SOX5: variants seen among roughly 807,000 people sequenced by gnomAD.
SOX5 encodes SRY-box transcription factor 5.
SOX5 carries 9 observed loss-of-function variants against 92.0 expected under a neutral mutation model. The ratio of observed to expected loss-of-function variants is 0.10; its 90% CI spans 0.06 to 0.17. SOX5 has a LOEUF of 0.17. Among genes scored for constraint, SOX5 ranks in the 10% least tolerant of loss-of-function variants. The pLI, the probability that SOX5 is intolerant of heterozygous loss-of-function variation, is 1.00. For missense variants in SOX5, 642 were observed against 944.5 expected (o/e 0.68, Z 4.20); for synonymous variants, 344 against 336.3 (o/e 1.02, Z -0.25).
intron 4 of SOX5, among the ~76,000 whole-genome samples, chr12:24,042,571 T>C (rs1308010638): frequency 6.6e-6 from 1 of 152,166 alleles, no homozygotes; most frequent in Non-Finnish European, 1.5e-5. Context: ...ATCCATCATA[T>C]ATATTTAGCC....
chr12:24,088,086 A>G (rs1263050123), intron 4 of SOX5, among the ~76,000 whole-genome samples: 1 of 152,090 alleles, frequency 6.6e-6, no homozygotes, highest in Admixed American at 6.6e-5. Flanking sequence ...CTGCTATTAT[A>G]TTTTAGAAAT....
At chr12:24,434,541 C>G (rs1284903111) in intron 1 of SOX5, among the ~76,000 whole-genome samples, 3 of 152,146 alleles carry the variant, frequency 2.0e-5, no homozygotes, top group African/African-American at 7.2e-5. Flanking sequence ...CCATCCAAAT[C>G]TCATGTTGAA....
intron 4 of SOX5, among the ~76,000 whole-genome samples, chr12:24,089,451 T>C (rs1237136440): frequency 6.6e-6 from 1 of 152,176 alleles, no homozygotes; most frequent in African/African-American, 2.4e-5. Flanking sequence ...CTTTAGGCTT[T>C]ATATTTATAC....
intron 3 of SOX5, among the ~76,000 whole-genome samples, chr12:24,240,779 C>T (rs1362438774): frequency 2.0e-5 from 3 of 152,146 alleles, no homozygotes; most frequent in Non-Finnish European, 1.5e-5. Context: ...GTGGCTGTTA[C>T]TATCAAACAA....
intron 11 of SOX5, among the ~76,000 whole-genome samples, chr12:23,553,994 G>A (rs558133565): frequency 1.3e-5 from 2 of 152,154 alleles, no homozygotes; most frequent in African/African-American, 4.8e-5. Context: ...GTCATGGCTT[G>A]GTTCAGAAAT....
chr12:23,761,018 C>G (rs535188908), intron 3 of SOX5, among the ~76,000 whole-genome samples: 1 of 152,150 alleles, frequency 6.6e-6, no homozygotes, highest in South Asian at 2.1e-4. Flanking sequence ...ACTGTTGATA[C>G]TTTAATTTTG....
intron 4 of SOX5, among the ~76,000 whole-genome samples, chr12:24,182,395 T>A (rs1414921801): frequency 6.6e-6 from 1 of 152,168 alleles, no homozygotes; most frequent in East Asian, 1.9e-4. Flanking sequence ...AAATCAGATA[T>A]CAGTCCACAT....
At chr12:23,932,052 T>C (rs968942806) in intron 1 of SOX5, among the ~76,000 whole-genome samples, 10 of 150,558 alleles carry the variant, frequency 6.6e-5, no homozygotes, top group African/African-American at 1.7e-4. Flanking sequence ...CTTAAAAATC[T>C]AAGCCAAAAA....
In SOX5 at chr12:23,534,349, T is replaced by G. The variant is rs747315723; in HGVS notation, c.2162A>C (p.His721Pro). The G allele has an allele frequency of 8.1e-6, 13 of 1,614,160 alleles. No individual in the cohort carries two copies. The South Asian group carries it at 1.4e-4, about 18-fold the overall frequency. Residue 721 changes from histidine (H) to proline (P), a missense_variant, in exon 15 of 15, where the codon CAT (histidine) becomes CCT (proline). Physicochemically the swap from His to Pro is moderately conservative, Grantham distance 77. Around this residue, in one of 8 missense-constraint regions of SOX5, gnomAD observed 130 missense variants for 140.6 expected, o/e 0.92. Transcript: ENST00000451604. ...CTCGGCCTGTATCTCTTCTTTGATA[T>G]GTGGCTCCTCTCCTTTCACACCGTA... is the stretch of plus-strand genomic sequence containing the variant. The part of the protein sequence containing the change: ...STYGVKGEEP[H>P]IKEEIQAEDI...
chr12:24,004,971 T>G (rs1172225232), intron 4 of SOX5, among the ~76,000 whole-genome samples: 1 of 151,778 alleles, frequency 6.6e-6, no homozygotes, highest in Non-Finnish European at 1.5e-5. Context: ...AAACTTGGAG[T>G]GAACTCAAAA....
rs1474269719 is a variant in SOX5 at position 23,812,835 on chromosome 12, C to G, written c.481+33148G>C. 2.0e-5 allele frequency among the ~76,000 whole-genome samples: 3 copies of G among 152,052 alleles called. No homozygotes were observed. In the East Asian group the frequency reaches 5.8e-4, roughly 29 times the overall value. ...TTCTCATAAAATTTACACTAATACA[C>G]TTTTATTTGAAAGTATCTATATGAA... is the stretch of plus-strand genomic sequence containing the variant. On this transcript the variant is annotated intron_variant, in intron 3 of 14. Coordinates refer to ENST00000451604, the MANE Select transcript of SOX5 (RefSeq NM_006940.6).
intron 4 of SOX5, among the ~76,000 whole-genome samples, chr12:24,004,530 A>G (rs1951949655): frequency 6.6e-6 from 1 of 152,056 alleles, no homozygotes; most frequent in South Asian, 2.1e-4. Flanking sequence ...CAGAAACATT[A>G]CTCTTTAGGG....
intron 1 of SOX5, among the ~76,000 whole-genome samples, chr12:24,451,217 C>A (rs986179935): frequency 2.0e-5 from 3 of 152,130 alleles, no homozygotes; most frequent in African/African-American, 7.2e-5. Context: ...TAGGTTGTTT[C>A]CAAATGTTGG....
chr12:23,932,744 A>G (rs916812515), intron 1 of SOX5, among the ~76,000 whole-genome samples: 1 of 151,600 alleles, frequency 6.6e-6, no homozygotes, highest in African/African-American at 2.4e-5. Context: ...TTAGGTGACC[A>G]CAATGTTTTC....
At chr12:24,445,159 A>G (rs1399136804) in intron 1 of SOX5, among the ~76,000 whole-genome samples, 1 of 152,222 alleles carries the variant, frequency 6.6e-6, no homozygotes, top group East Asian at 1.9e-4. Flanking sequence ...AGTCATTTCA[A>G]GTTAAACGAG....
At chr12:23,841,436 C>T (rs1274858812) in intron 3 of SOX5, among the ~76,000 whole-genome samples, 1 of 151,996 alleles carries the variant, frequency 6.6e-6, no homozygotes, top group Non-Finnish European at 1.5e-5. Context: ...CTCATAAATT[C>T]CAGCATTCAC....
At chr12:23,796,563 T>C (rs1380105913) in intron 3 of SOX5, among the ~76,000 whole-genome samples, 4 of 152,034 alleles carry the variant, frequency 2.6e-5, no homozygotes, top group African/African-American at 9.7e-5. Flanking sequence ...AATTTTCATA[T>C]TCTACTGGGC....
chr12:24,535,019 C>T (rs1177228584), intron 1 of SOX5, among the ~76,000 whole-genome samples: 2 of 152,206 alleles, frequency 1.3e-5, no homozygotes, highest in Non-Finnish European at 2.9e-5. Context: ...TTTCCCATCC[C>T]TTTACCAGGT....
intron 1 of SOX5, among the ~76,000 whole-genome samples, chr12:24,470,734 CT>C (rs1401982719): frequency 1.3e-5 from 2 of 152,132 alleles, no homozygotes; most frequent in African/African-American, 4.8e-5. Flanking sequence ...GTGTTCAAAT[CT>C]CACTCCCATT....
Sources: gnomAD v4.1 joint callset for allele counts (sites outside exome capture counted in the v4.1 genomes callset) on GRCh38, gnomAD v4.1.1 for gene constraint, gnomAD v4.1.1 regional missense constraint, MANE v1.5 for transcripts, NCBI Gene and HGNC (gene_info 2026-07-23, HGNC 2026-07-21) for gene names.